The following DOCK1 variants were observed in gnomAD, a reference collection of about 807,000 sequenced individuals.
The protein encoded by DOCK1 is dedicator of cytokinesis 1.
A neutral mutation model predicts 262.7 loss-of-function variants in DOCK1; 138 were observed. The observed-to-expected ratio is 0.53, with a 90% confidence interval of 0.46 to 0.61. The LOEUF (loss-of-function observed/expected upper bound fraction) is 0.61, where lower values mean the gene tolerates loss of function less well. Among genes scored for constraint, DOCK1 ranks in the 20% least tolerant of loss-of-function variants. DOCK1 has a pLI of 0.00. For synonymous variants in DOCK1, 866 were observed against 867.4 expected, an observed-to-expected ratio of 1.00 and a Z score of 0.03; for missense variants, 1,908 against 2,370.7, an observed-to-expected ratio of 0.80 and a Z score of 4.05.
intron 43 of DOCK1, among the ~76,000 whole-genome samples, chr10:127,414,865 A>T (rs747491877): frequency 2.6e-5 from 4 of 152,178 alleles, no homozygotes; most frequent in African/African-American, 7.2e-5. Context: ...GAGTATACAC[A>T]TCTTTCTCAC....
chr10:127,158,262 A>G (rs2053269219), intron 27 of DOCK1, among the ~76,000 whole-genome samples: 1 of 152,226 alleles, frequency 6.6e-6, no homozygotes, highest in Non-Finnish European at 1.5e-5. Context: ...CTATATTGCC[A>G]TTGCCATAAG....
At chr10:127,129,651 G>A (rs947550344) in intron 27 of DOCK1, among the ~76,000 whole-genome samples, 1 of 152,168 alleles carries the variant, frequency 6.6e-6, no homozygotes, top group Admixed American at 6.5e-5. Context: ...TCTTGGAGTC[G>A]TGCCGCAGGT....
intron 29 of DOCK1, among the ~76,000 whole-genome samples, chr10:127,321,997 G>C (rs565897734): frequency 6.6e-4 from 100 of 151,956 alleles, no homozygotes; most frequent in African/African-American, 2.3e-3. Flanking sequence ...CAGTTACTTG[G>C]GAGGCTGAGG....
chr10:127,448,865 T>A (rs2134855891), intron 51 of DOCK1, among the ~76,000 whole-genome samples: 1 of 152,258 alleles, frequency 6.6e-6, no homozygotes, highest in South Asian at 2.1e-4. Flanking sequence ...TTTTTCTTTT[T>A]TTTTAATGGA....
intron 1 of DOCK1, among the ~76,000 whole-genome samples, chr10:126,925,604 G>T (rs1051805119): frequency 1.3e-5 from 2 of 152,110 alleles, no homozygotes; most frequent in South Asian, 2.1e-4. Flanking sequence ...GGATGGTCTC[G>T]ATCTCTTGAT....
chr10:126,941,438 A>T (rs2034970752), intron 1 of DOCK1, among the ~76,000 whole-genome samples: 1 of 152,230 alleles, frequency 6.6e-6, no homozygotes. Context: ...TCCAACAACA[A>T]AAACATCTTC....
intron 33 of DOCK1, among the ~76,000 whole-genome samples, chr10:127,365,492 T>A (rs1195845939): frequency 1.3e-5 from 2 of 152,208 alleles, no homozygotes; most frequent in Non-Finnish European, 2.9e-5. Context: ...GAATTTTATA[T>A]AAATCTAGCC....
At chr10:127,033,499 A>T (rs2043384793) in intron 18 of DOCK1, among the ~76,000 whole-genome samples, 1 of 152,186 alleles carries the variant, frequency 6.6e-6, no homozygotes, top group African/African-American at 2.4e-5. Context: ...AATCTTCCAA[A>T]TGCAGCCGTA....
At chr10:127,272,423 G>A (rs2060602288) in intron 29 of DOCK1, among the ~76,000 whole-genome samples, 1 of 152,150 alleles carries the variant, frequency 6.6e-6, no homozygotes, top group African/African-American at 2.4e-5. Flanking sequence ...CAGAGTCCTA[G>A]GAAGAGATAG....
chr10:127,175,604 C>T lies in DOCK1; in HGVS notation c.2847+47840C>T. 6.2e-7 allele frequency: 1 copy of T among 1,612,750 alleles called. No homozygotes were observed. Among genetic ancestry groups the T allele is most frequent in the Non-Finnish European group, 8.5e-7 (1 of 1,179,908 alleles). ...AGTCTGACAAACCAGGCTCGGGGGC[C>T]CTGGCACTGAGGGCAGGTGCGTAAA... On this transcript the variant is annotated intron_variant, in intron 27 of 51. Transcript: ENST00000623213. The surrounding 1 kb of genome is among the most constrained non-coding windows in gnomAD (Gnocchi z 6.3).
At chr10:126,996,022 G>T (rs1358283925) in intron 6 of DOCK1, among the ~76,000 whole-genome samples, 1 of 152,080 alleles carries the variant, frequency 6.6e-6, no homozygotes, top group Non-Finnish European at 1.5e-5. Context: ...CCAGCTATGT[G>T]TTTGGGTTGA....
intron 27 of DOCK1, among the ~76,000 whole-genome samples, chr10:127,220,998 G>A (rs970784383): frequency 5.3e-5 from 8 of 152,166 alleles, no homozygotes; most frequent in Admixed American, 2.6e-4. Flanking sequence ...CACCAGTTTA[G>A]ATGTGTGGTT....
chr10:127,432,555 C>T (rs556592545), intron 47 of DOCK1, among the ~76,000 whole-genome samples: 25 of 152,168 alleles, frequency 1.6e-4, no homozygotes, highest in African/African-American at 5.1e-4. Flanking sequence ...ACATCTGGCT[C>T]GGGGTGCAGG....
chr10:127,008,101 T>G (rs905550164), intron 10 of DOCK1, among the ~76,000 whole-genome samples: 2 of 152,142 alleles, frequency 1.3e-5, no homozygotes, highest in Non-Finnish European at 2.9e-5. Flanking sequence ...ACATTTTCTT[T>G]TTTTCTTTTG....
rs1461914120 is a variant in DOCK1 at position 127,110,257 on chromosome 10, T to G, written c.2526T>G (p.Phe842Leu). ...VFDPKELSKMFTEFILNVPMG... is the reference protein window; with the variant it reads ...VFDPKELSKMLTEFILNVPMG... ...GTGTTTTTCCTCACAGCAAAATGTTTACTGAATTCATCCTCAATGTTCCCA... is the reference window on the plus strand; with the variant it reads ...GTGTTTTTCCTCACAGCAAAATGTTGACTGAATTCATCCTCAATGTTCCCA... Residue 842 changes from phenylalanine to leucine, a missense_variant, in exon 25 of 52, where the codon TTT (phenylalanine) becomes TTG (leucine). Phe to Leu is a conservative substitution (Grantham distance 22). Coordinates refer to ENST00000623213, the MANE Select transcript of DOCK1 (RefSeq NM_001290223.2). The G allele has an allele frequency of 6.2e-7, 1 of 1,612,856 alleles. No individual in the cohort carries two copies. The highest frequency in any genetic ancestry group is 1.7e-5 in the Admixed American group (1 of 59,924).
chr10:127,311,487 C>T (rs1486924960), intron 29 of DOCK1, among the ~76,000 whole-genome samples: 1 of 152,218 alleles, frequency 6.6e-6, no homozygotes, highest in Non-Finnish European at 1.5e-5. Flanking sequence ...AATGTTATGT[C>T]AGTGCTCAAA....
chr10:127,110,663 C>T, intron 25 of DOCK1, among the ~76,000 whole-genome samples: 1 of 152,206 alleles, frequency 6.6e-6, no homozygotes, highest in Non-Finnish European at 1.5e-5. Flanking sequence ...GAGGCAATCA[C>T]TTCGCTCCAT....
chr10:127,449,216 T>C (rs10830067), intron 51 of DOCK1, among the ~76,000 whole-genome samples: 81,503 of 152,018 alleles, frequency 0.54, 22,143 homozygotes, highest in Middle Eastern at 0.68. Flanking sequence ...CTTGTGAGAG[T>C]AAAAGGAGAT....
chr10:127,002,548 T>G (rs2040668153), intron 10 of DOCK1, among the ~76,000 whole-genome samples: 1 of 152,200 alleles, frequency 6.6e-6, no homozygotes, highest in Admixed American at 6.5e-5. Flanking sequence ...CATGCTCACT[T>G]ATGCTTGCTT....
Sources: allele counts gnomAD v4.1 joint callset (sites outside exome capture counted in the v4.1 genomes callset), GRCh38; gene constraint gnomAD v4.1.1; non-coding constraint Gnocchi (gnomAD v3.1); transcripts MANE v1.5; gene names NCBI Gene and HGNC (gene_info 2026-07-23, HGNC 2026-07-21).